AOAH: variants seen among roughly 807,000 people sequenced by gnomAD.
AOAH encodes the protein acyloxyacyl hydrolase (neutrophil).
In AOAH, 64 loss-of-function variants were observed where a neutral mutation model predicts 92.2. The observed-to-expected ratio is 0.69, with a 90% CI of 0.57 to 0.86. AOAH has a LOEUF of 0.86. Ranked by LOEUF, AOAH falls within the 40% of genes least tolerant of loss-of-function variation. AOAH has a pLI of 0.00. For synonymous variants in AOAH, 263 were observed against 254.5 expected, an observed-to-expected ratio of 1.03 and a Z score of -0.32; for missense variants, 656 against 694.6, an observed-to-expected ratio of 0.94 and a Z score of 0.62.
intron 4 of AOAH, among the ~76,000 whole-genome samples, chr7:36,655,588 T>C (rs928776629): frequency 2.0e-5 from 3 of 152,018 alleles, no homozygotes; most frequent in Non-Finnish European, 2.9e-5. Context: ...TAAGTGAAAA[T>C]TTGTACTTAG....
chr7:36,704,399 G>C lies in AOAH; in HGVS notation c.128-17605C>G, dbSNP rs1336161135. ...TAAACTAGAAAATCTAGAAGAAATG[G>C]ATAAATTCCTTGACACATACACCCT... On this transcript the variant is annotated intron_variant, in intron 1 of 20. Coordinates refer to ENST00000617537, the MANE Select transcript of AOAH (RefSeq NM_001637.4). Among the ~76,000 whole-genome samples, 4 of 152,168 alleles carry C rather than the reference G, an allele frequency of 2.6e-5. No individual in the cohort carries two copies. In the East Asian group the frequency reaches 7.7e-4, roughly 29 times the overall value.
chr7:36,700,284 T>C (rs759861694), intron 1 of AOAH, among the ~76,000 whole-genome samples: 30 of 152,182 alleles, frequency 2.0e-4, no homozygotes, highest in Non-Finnish European at 1.8e-4. Context: ...CACCCAAATA[T>C]TGTACATTGT....
At chr7:36,518,210 G>A (rs561056869) in intron 20 of AOAH, among the ~76,000 whole-genome samples, 115 of 151,502 alleles carry the variant, frequency 7.6e-4, no homozygotes, top group Non-Finnish European at 1.1e-3. Flanking sequence ...TGTTTTGTTT[G>A]TTGTTATTGT....
intron 1 of AOAH, among the ~76,000 whole-genome samples, chr7:36,692,767 C>T (rs1243960180): frequency 6.6e-6 from 1 of 152,142 alleles, no homozygotes; most frequent in Non-Finnish European, 1.5e-5. Context: ...TGAAGAGACA[C>T]ATATGAATAA....
At chr7:36,562,330 C>A (rs763153599) in intron 13 of AOAH, among the ~76,000 whole-genome samples, 7 of 152,118 alleles carry the variant, frequency 4.6e-5, no homozygotes, top group Admixed American at 2.0e-4. Flanking sequence ...CGGACTGCAG[C>A]AAGAAAAGAT....
intron 3 of AOAH, among the ~76,000 whole-genome samples, chr7:36,669,888 C>A (rs1795803072): frequency 6.6e-6 from 1 of 152,128 alleles, no homozygotes; most frequent in Admixed American, 6.5e-5. Context: ...AGCAACACAG[C>A]CAGACAGAGA....
intron 16 of AOAH, among the ~76,000 whole-genome samples, chr7:36,535,255 G>T (rs1000944390): frequency 1.2e-4 from 18 of 152,112 alleles, no homozygotes; most frequent in African/African-American, 3.9e-4. Context: ...AAGATCAAAG[G>T]TGTGTTCTTC....
intron 3 of AOAH, among the ~76,000 whole-genome samples, chr7:36,670,331 A>G (rs1162374115): frequency 6.6e-6 from 1 of 152,192 alleles, no homozygotes; most frequent in Non-Finnish European, 1.5e-5. Context: ...ATGAGGAAAC[A>G]TTTCTATCAG....
At chr7:36,610,224 T>A (rs1302299137) in intron 11 of AOAH, among the ~76,000 whole-genome samples, 4 of 149,064 alleles carry the variant, frequency 2.7e-5, no homozygotes, top group Admixed American at 6.7e-5. Context: ...TTTAGTAGAT[T>A]ATTGCATGGC....
At chr7:36,628,805 G>T (rs555141308) in intron 6 of AOAH, among the ~76,000 whole-genome samples, 3 of 152,184 alleles carry the variant, frequency 2.0e-5, no homozygotes, top group Non-Finnish European at 4.4e-5. Context: ...CAGAAGACAC[G>T]CAGGTCTTGT....
chr7:36,547,910 C>T (rs1015679888), intron 15 of AOAH, among the ~76,000 whole-genome samples: 10 of 152,076 alleles, frequency 6.6e-5, no homozygotes, highest in Admixed American at 2.0e-4. Flanking sequence ...TAGGTCTGTG[C>T]GTCTAAGCTG....
intron 13 of AOAH, among the ~76,000 whole-genome samples, chr7:36,562,119 A>G (rs968325462): frequency 2.0e-5 from 3 of 152,022 alleles, no homozygotes; most frequent in African/African-American, 7.3e-5. Flanking sequence ...CTGTTTTTTG[A>G]GATTATGTAA....
At chr7:36,609,880 G>T (rs1791310974) in intron 11 of AOAH, among the ~76,000 whole-genome samples, 1 of 152,014 alleles carries the variant, frequency 6.6e-6, no homozygotes, top group Non-Finnish European at 1.5e-5. Flanking sequence ...GAACAGTGCT[G>T]TGCTGCTGGG....
At chr7:36,650,950 G>T (rs1327271632) in intron 4 of AOAH, among the ~76,000 whole-genome samples, 1 of 152,186 alleles carries the variant, frequency 6.6e-6, no homozygotes, top group Non-Finnish European at 1.5e-5. Flanking sequence ...TGGAGAGGGG[G>T]TACTTAAACC....
chr7:36,585,559 A>G (rs1583877363), intron 12 of AOAH, among the ~76,000 whole-genome samples: 3 of 152,356 alleles, frequency 2.0e-5, no homozygotes, highest in South Asian at 4.1e-4. Flanking sequence ...ACGAAGAATA[A>G]TGATACTCTG....
intron 1 of AOAH, among the ~76,000 whole-genome samples, chr7:36,718,920 G>A (rs1799437471): frequency 1.3e-5 from 2 of 152,278 alleles, no homozygotes; most frequent in South Asian, 4.1e-4. Context: ...TTAAAAGAGT[G>A]AAGTTTATGA....
intron 15 of AOAH, among the ~76,000 whole-genome samples, chr7:36,542,439 A>G (rs751529945): frequency 6.6e-6 from 1 of 152,194 alleles, no homozygotes; most frequent in Admixed American, 6.5e-5. Flanking sequence ...ACCAGATAAA[A>G]TAAGTCCATC....
At position 36,645,301 on chromosome 7, in the gene AOAH, G is replaced by A. The variant is rs112243277; in HGVS notation, c.391-7391C>T. ...TCTTTTCTCCACATGAGAACAAAGC[G>A]GTCTGCAGCCAAGAAGAGGTCCCTC... On this transcript the variant is annotated intron_variant, in intron 4 of 20. Transcript: ENST00000617537. Among the ~76,000 whole-genome samples, 717 of 152,274 alleles carry A rather than the reference G, an allele frequency of 4.7e-3. 4 individuals are homozygous for A. The highest frequency in any genetic ancestry group is 0.02 in the Middle Eastern group (6 of 294).
At chr7:36,534,922 C>CTG (rs764547238) in intron 16 of AOAH, among the ~76,000 whole-genome samples, 1 of 149,158 alleles carries the variant, frequency 6.7e-6, no homozygotes, top group Admixed American at 6.7e-5. Flanking sequence ...CTCTGTCTGT[C>CTG]TGTGTTTTTG....
Sources: allele counts gnomAD v4.1 joint callset (sites outside exome capture counted in the v4.1 genomes callset), GRCh38; gene constraint gnomAD v4.1.1; transcripts MANE v1.5; gene names NCBI Gene and HGNC (gene_info 2026-07-23, HGNC 2026-07-21).